SCMH1: variants seen among roughly 807,000 people sequenced by gnomAD.
SCMH1 encodes the protein polycomb protein SCMH1.
SCMH1 carries 37 observed loss-of-function variants against 70.8 expected under a neutral mutation model. The observed-to-expected ratio is 0.52, with a 90% CI of 0.40 to 0.69. The LOEUF (loss-of-function observed/expected upper bound fraction) is 0.69. SCMH1 is among the 30% of genes least tolerant of loss of function. The pLI is 0.00. For missense variants in SCMH1, 607 were observed against 827.3 expected (o/e 0.73, Z 3.27); for synonymous variants, 292 against 307.4 (o/e 0.95, Z 0.52).
At chr1:41,096,957 GT>G (rs1665246464) in intron 8 of SCMH1, among the ~76,000 whole-genome samples, 1 of 152,178 alleles carries the variant, frequency 6.6e-6, no homozygotes, top group Non-Finnish European at 1.5e-5. Context: ...GAACATGCTA[GT>G]TTTTAATCAC....
At chr1:41,235,900 T>G (rs1662283719) in intron 1 of SCMH1, among the ~76,000 whole-genome samples, 1 of 152,246 alleles carries the variant, frequency 6.6e-6, no homozygotes. Flanking sequence ...TTTGTGAGAT[T>G]TGCTCATGTT....
intron 10 of SCMH1, among the ~76,000 whole-genome samples, chr1:41,050,837 C>T (rs1348798526): frequency 6.6e-6 from 1 of 152,086 alleles, no homozygotes; most frequent in Non-Finnish European, 1.5e-5. Flanking sequence ...GAGTTGGTGC[C>T]TCTGGAGGTG....
exon 9 of SCMH1, chr1:41,075,263 G>C: frequency 6.2e-7 from 1 of 1,614,122 alleles, no homozygotes; most frequent in Non-Finnish European, 8.5e-7. Context: ...AATTTCAAAG[G>C]TTCAGCTGTC....
At chr1:41,116,925 G>A (rs1434971243) in exon 7 of SCMH1, 2 of 1,597,700 alleles carry the variant, frequency 1.3e-6, no homozygotes, top group Admixed American at 3.4e-5. Context: ...AGCCTACCTT[G>A]TGGAAAATCC....
intron 1 of SCMH1, among the ~76,000 whole-genome samples, chr1:41,228,239 T>C (rs776376055): frequency 4.6e-5 from 7 of 152,288 alleles, no homozygotes; most frequent in Admixed American, 6.5e-5. Flanking sequence ...CCTTCCTCTT[T>C]GCTGCTTACT....
At chr1:41,192,957 G>C (rs1407174305) in intron 1 of SCMH1, among the ~76,000 whole-genome samples, 1 of 152,188 alleles carries the variant, frequency 6.6e-6, no homozygotes, top group Non-Finnish European at 1.5e-5. Flanking sequence ...GGTCTCTGTT[G>C]CAACTGCTCA....
chr1:41,123,601 G>A (rs1007867956), intron 6 of SCMH1, among the ~76,000 whole-genome samples: 7 of 152,216 alleles, frequency 4.6e-5, no homozygotes, highest in South Asian at 4.1e-4. Flanking sequence ...CTCCCTAGGT[G>A]ATTTTAACAG....
exon 12 of SCMH1, chr1:41,046,473 A>G (rs1646906596): frequency 6.2e-7 from 1 of 1,614,078 alleles, no homozygotes; most frequent in Admixed American, 1.7e-5. Flanking sequence ...GTCTGTGTAA[A>G]GGGCTGGTTG....
chr1:41,211,562 T>C (rs1211258312), intron 1 of SCMH1, among the ~76,000 whole-genome samples: 3 of 152,162 alleles, frequency 2.0e-5, no homozygotes, highest in Non-Finnish European at 4.4e-5. Context: ...CTTTACACTG[T>C]TGGTGGGAGT....
chr1:41,143,944 C>A (rs1644329070), intron 5 of SCMH1, among the ~76,000 whole-genome samples: 1 of 152,140 alleles, frequency 6.6e-6, no homozygotes, highest in Admixed American at 6.5e-5. Context: ...AGTGGTATAA[C>A]CATGCTGACG....
chr1:41,051,384 C>T (rs1184504747), intron 10 of SCMH1, among the ~76,000 whole-genome samples: 2 of 152,136 alleles, frequency 1.3e-5, no homozygotes, highest in Non-Finnish European at 2.9e-5. Flanking sequence ...TACTTCTTAT[C>T]ATTATTGTAG....
At position 41,127,296 on chromosome 1, in the gene SCMH1, T is replaced by C. The variant is rs550351236; in HGVS notation, c.413-10286A>G. Reference sequence around the variant, plus strand: ...TATGTTGCAAATATTTTCTCCCATTTATCATTTGTCTTTTAGCTTTGCTTG... The same window carrying C: ...TATGTTGCAAATATTTTCTCCCATTCATCATTTGTCTTTTAGCTTTGCTTG... On this transcript the variant is annotated intron_variant, in intron 6 of 14. Transcript: ENST00000337495. 3.9e-5 allele frequency among the ~76,000 whole-genome samples: 6 copies of C among 152,332 alleles called. No homozygotes were observed. The South Asian group carries it at 1.0e-3, about 26-fold the overall frequency.
chr1:41,161,218 T>C (rs1645998138), intron 3 of SCMH1, 146 bp downstream of exon 3: 6 of 1,300,710 alleles, frequency 4.6e-6, no homozygotes, highest in Non-Finnish European at 6.4e-6. Flanking sequence ...ATATTGCTTA[T>C]GACCAATACC....
chr1:41,224,380 T>C (rs1659871715), intron 1 of SCMH1, among the ~76,000 whole-genome samples: 1 of 152,182 alleles, frequency 6.6e-6, no homozygotes, highest in Non-Finnish European at 1.5e-5. Flanking sequence ...TGAAATGAAA[T>C]GTAAGGGATT....
At chr1:41,059,937 C>A (rs1251997446) in intron 10 of SCMH1, among the ~76,000 whole-genome samples, 1 of 151,228 alleles carries the variant, frequency 6.6e-6, no homozygotes, top group Non-Finnish European at 1.5e-5. Context: ...CAGAGAATTT[C>A]TAATTTTCCT....
rs185103486 is a variant in SCMH1 at position 41,082,517 on chromosome 1, A to T, written c.746-7066T>A. ...ATACTTTACAGACAAGCAAATGCTAAGAGATTTTGTCACCACCAGGCCTGT... is the reference window on the plus strand; with the variant it reads ...ATACTTTACAGACAAGCAAATGCTATGAGATTTTGTCACCACCAGGCCTGT... On this transcript the variant is annotated intron_variant, in intron 8 of 14. Transcript: ENST00000337495. Among the ~76,000 whole-genome samples the T allele has an allele frequency of 1.6e-4, 25 of 152,326 alleles. No individual in the cohort carries two copies. The East Asian group carries it at 4.8e-3, about 29-fold the overall frequency.
chr1:41,180,642 G>A (rs1313451800), intron 2 of SCMH1, among the ~76,000 whole-genome samples: 1 of 152,156 alleles, frequency 6.6e-6, no homozygotes, highest in Non-Finnish European at 1.5e-5. Flanking sequence ...ACTTACAAGG[G>A]ACGTGAAGGA....
chr1:41,230,442 C>T (rs1404138756), intron 1 of SCMH1, among the ~76,000 whole-genome samples: 2 of 152,072 alleles, frequency 1.3e-5, no homozygotes, highest in East Asian at 3.9e-4. Flanking sequence ...TCACTGGAGC[C>T]CAGGAGTTCA....
intron 2 of SCMH1, among the ~76,000 whole-genome samples, chr1:41,183,352 T>G (rs1007959207): frequency 6.6e-6 from 1 of 152,222 alleles, no homozygotes; most frequent in African/African-American, 2.4e-5. Flanking sequence ...CATTTAAAAC[T>G]CTTCAAGGAT....
Sources: gnomAD v4.1 joint callset for allele counts (sites outside exome capture counted in the v4.1 genomes callset) on GRCh38, gnomAD v4.1.1 for gene constraint, MANE v1.5 for transcripts, NCBI Gene and HGNC (gene_info 2026-07-23, HGNC 2026-07-21) for gene names.